RWDD1: variants seen among roughly 807,000 people sequenced by gnomAD.
RWDD1 encodes the protein RWD domain containing 1, also known as RWD domain-containing protein 1.
Under a neutral mutation model 31.6 loss-of-function variants are expected in RWDD1, and 17 were observed. That is an observed-to-expected ratio of 0.54 (90% CI 0.37 to 0.81). The LOEUF (loss-of-function observed/expected upper bound fraction) is 0.81, where lower values mean the gene tolerates loss of function less well. Ranked by LOEUF, RWDD1 falls within the 30% of genes least tolerant of loss-of-function variation. RWDD1 has a pLI of 0.00. For missense variants in RWDD1, 204 were observed against 274.5 expected, an observed-to-expected ratio of 0.74 and a Z score of 1.82; for synonymous variants, 78 against 94.2, an observed-to-expected ratio of 0.83 and a Z score of 0.99.
In RWDD1 at chr6:116,595,410, G is replaced by T. The variant is rs563981766; in HGVS notation, c.*2309G>T. 1 of 152,274 alleles carries T rather than the reference G, an allele frequency of 6.6e-6. No individual in the cohort carries two copies. The highest frequency in any genetic ancestry group is 2.1e-4 in the South Asian group (1 of 4,818). The allele number at this position is 152,274 out of a possible 1,614,324, so 9.4% of individuals were successfully genotyped here. On this transcript the variant is annotated 3_prime_UTR_variant, in exon 7 of 7. Transcript: ENST00000466444. ...TTTTCATCTAGAGTAAATATTTACT[G>T]TTGGCTTTGTATTCTGGGAATTAGC...
intron 3 of RWDD1, among the ~76,000 whole-genome samples, chr6:116,586,575 C>G (rs888776188): frequency 6.6e-6 from 1 of 151,900 alleles, no homozygotes; most frequent in African/African-American, 2.4e-5. Context: ...TCATTTTTGC[C>G]TGATATATAA....
At chr6:116,574,607 C>T (rs1389704155) in intron 1 of RWDD1, among the ~76,000 whole-genome samples, 2 of 152,082 alleles carry the variant, frequency 1.3e-5, no homozygotes, top group Non-Finnish European at 2.9e-5. Flanking sequence ...CCATCTGTCC[C>T]CTAACATCTC....
chr6:116,575,422 T>C (rs1459797475), intron 1 of RWDD1, among the ~76,000 whole-genome samples: 1 of 152,184 alleles, frequency 6.6e-6, no homozygotes, highest in Non-Finnish European at 1.5e-5. Context: ...GTGGTGGAAG[T>C]CTGGCATCCT....
intron 1 of RWDD1, among the ~76,000 whole-genome samples, chr6:116,579,087 G>C (rs1400260726): frequency 6.6e-6 from 1 of 152,164 alleles, no homozygotes; most frequent in Non-Finnish European, 1.5e-5. Context: ...TGTTGGCCAG[G>C]CTGGTCTCGA....
Position 116,571,581 on chromosome 6 carries a change from C to T in RWDD1, c.-2C>T. Reference sequence around the variant, plus strand: ...GATCTATGGGCAAGAGCAAGGGCCACGATGACAGATTACGGCGAGGAGCAG... The same window carrying T: ...GATCTATGGGCAAGAGCAAGGGCCATGATGACAGATTACGGCGAGGAGCAG... On this transcript the variant is annotated 5_prime_UTR_variant, in exon 1 of 7. The change creates a new upstream start codon in the 5' untranslated region. Coordinates refer to ENST00000466444, the MANE Select transcript of RWDD1 (RefSeq NM_015952.4). 6.2e-7 allele frequency: 1 copy of T among 1,613,284 alleles called. No individual in the cohort carries two copies. The highest frequency in any genetic ancestry group is 8.5e-7 in the Non-Finnish European group (1 of 1,179,756).
At chr6:116,584,920 A>G in intron 3 of RWDD1, 63 bp downstream of exon 3, 1 of 1,294,896 alleles carries the variant, frequency 7.7e-7, no homozygotes, top group Non-Finnish European at 1.1e-6. Flanking sequence ...TTACATATTA[A>G]TTTCAAGAGT....
rs183380427 is a variant in RWDD1, at chr6:116,597,600, T to G, written c.*4499T>G. 3 of 152,198 alleles carry G rather than the reference T, an allele frequency of 2.0e-5. No individual in the cohort carries two copies. The highest frequency in any genetic ancestry group is 7.2e-5 in the African/African-American group (3 of 41,550). 9.4% of individuals were successfully genotyped at this position (152,198 alleles called of 1,614,324 possible). ...ATGGGATTATTGGCTGCAAATAAAT[T>G]GGAAACATAAAAGGTGTTTTAAGTT... On this transcript the variant is annotated 3_prime_UTR_variant, in exon 7 of 7. Transcript: ENST00000466444.
At chr6:116,589,072 A>T in intron 4 of RWDD1, 87 bp downstream of exon 4, 1 of 1,078,038 alleles carries the variant, frequency 9.3e-7, no homozygotes, top group Non-Finnish European at 1.2e-6. Context: ...CAATAGCAGT[A>T]TTTTTTTTGG....
At chr6:116,592,900 T>C in intron 6 of RWDD1, 80 bp from the exon 7 acceptor site, 1 of 1,461,012 alleles carries the variant, frequency 6.8e-7, no homozygotes, top group Non-Finnish European at 9.2e-7. Flanking sequence ...TTCTGTTTGG[T>C]AGTGCCAATG....
chr6:116,572,777 A>G (rs1337340116), intron 1 of RWDD1: 6 of 890,892 alleles, frequency 6.7e-6, no homozygotes, highest in Non-Finnish European at 8.1e-6. Flanking sequence ...TCTCCCTTTC[A>G]TTGTTTAGCT....
intron 2 of RWDD1, among the ~76,000 whole-genome samples, chr6:116,583,122 C>T (rs1474289167): frequency 6.6e-6 from 1 of 151,906 alleles, no homozygotes; most frequent in Non-Finnish European, 1.5e-5. Context: ...GGACTACAGG[C>T]ACATGCTACC....
At chr6:116,582,885 A>G (rs1204383478) in intron 2 of RWDD1, among the ~76,000 whole-genome samples, 4 of 148,970 alleles carry the variant, frequency 2.7e-5, no homozygotes, top group Non-Finnish European at 5.9e-5. Context: ...ATTTATTGCT[A>G]TTAACTTTCC....
At chr6:116,577,551 A>C (rs1253256650) in intron 1 of RWDD1, among the ~76,000 whole-genome samples, 1 of 132,056 alleles carries the variant, frequency 7.6e-6, no homozygotes, top group Non-Finnish European at 1.7e-5. Flanking sequence ...TGTCCTTAAA[A>C]TATATCATGT....
In RWDD1 at chr6:116,572,952, G is replaced by A. The variant is rs193239312; in HGVS notation, c.73+1297G>A. ...TGTGCTGTGAGGATGTTAAGGGGAT[G>A]AGTGAAGAGGGGTTTGAGAGTGTCA... On this transcript the variant is annotated intron_variant, in intron 1 of 6. Transcript: ENST00000466444. 4.6e-4 allele frequency: 450 copies of A among 985,530 alleles called. 3 individuals carry two copies. The African/African-American group carries it at 7.4e-3, about 16-fold the overall frequency. 61.0% of individuals were successfully genotyped at this position (985,530 alleles called of 1,614,324 possible).
intron 1 of RWDD1, among the ~76,000 whole-genome samples, chr6:116,577,128 A>G (rs1774860306): frequency 6.6e-6 from 1 of 152,202 alleles, no homozygotes; most frequent in South Asian, 2.1e-4. Flanking sequence ...CTTTCTCAGA[A>G]CTCATTCCAA....
In RWDD1 at chr6:116,593,303, A is replaced by G. The variant is rs960993823; in HGVS notation, c.*202A>G. The G allele has an allele frequency of 4.5e-6, 2 of 441,588 alleles. No homozygotes were observed. Among genetic ancestry groups the G allele is most frequent in the East Asian group, 4.0e-5 (1 of 25,242 alleles). The allele number at this position is 441,588 out of a possible 1,614,324, so 27.4% of individuals were successfully genotyped here. On this transcript the variant is annotated 3_prime_UTR_variant, in exon 7 of 7. Coordinates refer to ENST00000466444, the MANE Select transcript of RWDD1 (RefSeq NM_015952.4). ...TTCAAGGCTTCTTACTGTTGAGCAC[A>G]AGGTTACGTATTTAAAATCACCTAG... is the stretch of plus-strand genomic sequence containing the variant.
chr6:116,583,330 T>C (rs969160360), intron 2 of RWDD1, among the ~76,000 whole-genome samples: 4 of 152,182 alleles, frequency 2.6e-5, no homozygotes, highest in Admixed American at 6.6e-5. Context: ...TTAAGTTTCT[T>C]CTTTAATGCA....
At chr6:116,572,855 C>G in intron 1 of RWDD1, 1 of 985,468 alleles carries the variant, frequency 1.0e-6, no homozygotes, top group Non-Finnish European at 1.2e-6. Context: ...GCTTTGCCAA[C>G]AGGCAGATGT....
chr6:116,594,857 A>G lies in RWDD1; in HGVS notation c.*1756A>G, dbSNP rs1304496664. 6.6e-6 allele frequency: 1 copy of G among 152,248 alleles called. No individual in the cohort carries two copies. The allele number at this position is 152,248 out of a possible 1,614,324, so 9.4% of individuals were successfully genotyped here. A position where few individuals can be genotyped will look rare whatever the true frequency, so the allele number is the denominator to read the frequency against. On this transcript the variant is annotated 3_prime_UTR_variant, in exon 7 of 7. Coordinates refer to ENST00000466444, the MANE Select transcript of RWDD1 (RefSeq NM_015952.4). ...ATACATATGCCACATACCCACAAAC[A>G]GCAATATTAAGCCTTCATTTATTGT...
Sources: allele counts gnomAD v4.1 joint callset (sites outside exome capture counted in the v4.1 genomes callset), GRCh38; gene constraint gnomAD v4.1.1; transcripts MANE v1.5; gene names NCBI Gene and HGNC (gene_info 2026-07-23, HGNC 2026-07-21).